The following GFM1 variants were observed in gnomAD, a reference collection of about 807,000 sequenced individuals.
GFM1 encodes G elongation factor mitochondrial 1.
GFM1 carries 62 observed loss-of-function variants against 96.2 expected under a neutral mutation model. The observed-to-expected ratio is 0.64, with a 90% CI of 0.53 to 0.80. The LOEUF (loss-of-function observed/expected upper bound fraction) is 0.80, where lower values mean the gene tolerates loss of function less well. Among genes scored for constraint, GFM1 ranks in the 30% least tolerant of loss-of-function variants. The pLI is 0.00. For synonymous variants in GFM1, 282 were observed against 312.9 expected, an observed-to-expected ratio of 0.90 and a Z score of 1.04; for missense variants, 852 against 916.6, an observed-to-expected ratio of 0.93 and a Z score of 0.91.
At chr3:158,644,750 T>A in intron 1 of GFM1, 35 bp downstream of exon 1, 2 of 1,523,838 alleles carry the variant, frequency 1.3e-6, no homozygotes, top group Non-Finnish European at 1.8e-6. Flanking sequence ...TCGGGACCAT[T>A]CCCGGAACCT....
At chr3:158,662,067 T>C (rs775581797) in intron 10 of GFM1, among the ~76,000 whole-genome samples, 1 of 152,186 alleles carries the variant, frequency 6.6e-6, no homozygotes, top group Non-Finnish European at 1.5e-5. Flanking sequence ...AAACAGGCCT[T>C]GGTTAGAGTC....
At chr3:158,667,521 C>A (rs531279655) in intron 13 of GFM1, among the ~76,000 whole-genome samples, 1 of 152,214 alleles carries the variant, frequency 6.6e-6, no homozygotes, top group African/African-American at 2.4e-5. Context: ...CACAGTGGCT[C>A]ACACCTATAA....
At chr3:158,672,515 T>C (rs902558674) in intron 13 of GFM1, 10 of 1,611,734 alleles carry the variant, frequency 6.2e-6, no homozygotes, top group South Asian at 1.1e-5. Context: ...TGGGCTACTC[T>C]GGCTTAACGG....
intron 15 of GFM1, among the ~76,000 whole-genome samples, chr3:158,688,528 T>C (rs1468033222): frequency 6.6e-6 from 1 of 152,248 alleles, no homozygotes; most frequent in Admixed American, 6.5e-5. Flanking sequence ...TACTATCCTA[T>C]TGAGAACATT....
intron 15 of GFM1, among the ~76,000 whole-genome samples, chr3:158,686,713 G>T: frequency 1.5e-5 from 2 of 133,820 alleles, no homozygotes; most frequent in Non-Finnish European, 3.1e-5. Flanking sequence ...GATTATAATT[G>T]AATTGAGGTT....
chr3:158,675,285 C>CAAAAAAAA (rs1172885215), intron 13 of GFM1, among the ~76,000 whole-genome samples: 7 of 52,666 alleles, frequency 1.3e-4, no homozygotes, highest in East Asian at 9.0e-4. Context: ...GACTCCATCT[C>CAAAAAAAA]AAAAAAAAAA....
At position 158,695,159 on chromosome 3, in the gene GFM1, A is replaced by C. The variant is rs1329326467; in HGVS notation, c.*3692A>C. Among the ~76,000 whole-genome samples, 1 of 152,148 alleles carries C rather than the reference A, an allele frequency of 6.6e-6. No homozygotes were observed. Among genetic ancestry groups the C allele is most frequent in the Non-Finnish European group, 1.5e-5 (1 of 68,024 alleles). On this transcript the variant is annotated 3_prime_UTR_variant, in exon 18 of 18. Coordinates refer to ENST00000486715, the MANE Select transcript of GFM1 (RefSeq NM_024996.7). The stretch of plus-strand genomic sequence containing the variant: ...GAGGCCAAGGTGGGTGGATAACCTG[A>C]GGTCAGGAGTTCGAGACCACCCTGG...
At chr3:158,667,076 T>C (rs1723770622) in intron 13 of GFM1, 1 of 1,578,326 alleles carries the variant, frequency 6.3e-7, no homozygotes, top group Non-Finnish European at 8.6e-7. Flanking sequence ...ATTTCTTTGC[T>C]ATGACAAAAA....
At position 158,646,166 on chromosome 3, in the gene GFM1, T is replaced by G. The variant is rs1046925437; in HGVS notation, c.236T>G (p.Val79Gly). 6.2e-7 allele frequency: 1 copy of G among 1,614,010 alleles called. No individual in the cohort carries two copies. The highest frequency in any genetic ancestry group is 1.3e-5 in the African/African-American group (1 of 74,910). Residue 79 changes from valine (V) to glycine (G), a missense_variant and splice_region_variant, in exon 3 of 18, where the codon GTG becomes GGG. By Grantham distance (109) the Val-to-Gly change is moderately radical. Coordinates refer to ENST00000486715, the MANE Select transcript of GFM1 (RefSeq NM_024996.7). ...YTGRIAKMHE[V>G]KGKDGVGAVM... ...CTGAATTGCTGTGCTTGTGTTTAGG[T>G]GAAAGGTAAAGATGGAGTTGGTGCT... is the stretch of plus-strand genomic sequence containing the variant.
In GFM1 at chr3:158,652,111, T is replaced by C. The variant is rs201360324; in HGVS notation, c.705T>C (p.Tyr235=). The C allele has an allele frequency of 3.0e-5, 49 of 1,614,106 alleles. No individual in the cohort carries two copies. Among genetic ancestry groups the C allele is most frequent in the Middle Eastern group, 1.6e-4 (1 of 6,062 alleles). ...FDGDFGQIVR[Y]GEIPAELRAA... Reference sequence around the variant, plus strand: ...GCTTTCTTAGTCAGATTGTTCGATATGGTGAGATTCCAGCTGAATTAAGGG... The same window carrying C: ...GCTTTCTTAGTCAGATTGTTCGATACGGTGAGATTCCAGCTGAATTAAGGG... The change falls in exon 6 of 18, where the codon TAT becomes TAC. Residue 235 remains tyrosine (Y), a synonymous_variant. Coordinates refer to ENST00000486715, the MANE Select transcript of GFM1 (RefSeq NM_024996.7).
rs186971303 is a variant in GFM1 at position 158,648,717 on chromosome 3, A to G, written c.573-324A>G. ...AAAAAAAAAAGAGGTGGGCTCAGCT[A>G]TCCTACTATTTAATTTCCTGGCTAG... On this transcript the variant is annotated intron_variant, in intron 4 of 17. Coordinates refer to ENST00000486715, the MANE Select transcript of GFM1 (RefSeq NM_024996.7). 9.5e-5 allele frequency among the ~76,000 whole-genome samples: 14 copies of G among 147,716 alleles called. No individual in the cohort carries two copies. The South Asian group carries it at 1.1e-3, about 11-fold the overall frequency.
At chr3:158,685,627 A>C (rs1318718478) in intron 15 of GFM1, among the ~76,000 whole-genome samples, 1 of 152,160 alleles carries the variant, frequency 6.6e-6, no homozygotes. Context: ...AGGGTTGCTG[A>C]TTCCTTATTT....
chr3:158,644,533 A>G lies in GFM1; in HGVS notation c.-102A>G, dbSNP rs1274981287. 1 of 909,380 alleles carries G rather than the reference A, an allele frequency of 1.1e-6. No individual in the cohort carries two copies. Among genetic ancestry groups the G allele is most frequent in the Admixed American group, 2.1e-5 (1 of 47,908 alleles). 56.3% of individuals were successfully genotyped at this position (909,380 alleles called of 1,614,324 possible). On this transcript the variant is annotated 5_prime_UTR_variant, in exon 1 of 18. Coordinates refer to ENST00000486715, the MANE Select transcript of GFM1 (RefSeq NM_024996.7). Reference sequence around the variant, plus strand: ...CGTCCTTTGCCCCGGAAGTGCTCTTACAACATTGGCTGCCGGCGTGACTTT... The same window carrying G: ...CGTCCTTTGCCCCGGAAGTGCTCTTGCAACATTGGCTGCCGGCGTGACTTT...
At position 158,644,581 on chromosome 3, in the gene GFM1, G is replaced by C. The variant is rs1016137610; in HGVS notation, c.-54G>C. ...TTTGACCGCTTCCCGGTGCGTTACC[G>C]GCAGCTGAACCCACCCGGCGCCACG... On this transcript the variant is annotated 5_prime_UTR_variant, in exon 1 of 18. Transcript: ENST00000486715. 1.4e-6 allele frequency: 2 copies of C among 1,457,422 alleles called. No homozygotes were observed. The highest frequency in any genetic ancestry group is 1.2e-5 in the South Asian group (1 of 81,786). 90.3% of individuals were successfully genotyped at this position (1,457,422 alleles called of 1,614,324 possible).
intron 14 of GFM1, among the ~76,000 whole-genome samples, chr3:158,682,950 G>A (rs1402985784): frequency 6.6e-6 from 1 of 151,666 alleles, no homozygotes; most frequent in African/African-American, 2.4e-5. Flanking sequence ...TGGGAGGATT[G>A]CTTGAGCCCA....
intron 13 of GFM1, chr3:158,667,096 T>A: frequency 6.4e-7 from 1 of 1,564,866 alleles, no homozygotes; most frequent in Non-Finnish European, 8.6e-7. Context: ...AATAAAAACG[T>A]GTTGTTTAAA....
intron 7 of GFM1, 122 bp from the exon 8 acceptor site, chr3:158,654,425 G>A: frequency 4.6e-6 from 3 of 646,686 alleles, no homozygotes; most frequent in South Asian, 3.7e-5. Flanking sequence ...TTACTTATGT[G>A]TGACAGCAGT....
chr3:158,659,738 A>G (rs1009981013), intron 9 of GFM1, among the ~76,000 whole-genome samples: 3 of 152,168 alleles, frequency 2.0e-5, no homozygotes, highest in African/African-American at 2.4e-5. Flanking sequence ...CAATCCATCT[A>G]TATATTCCTG....
chr3:158,657,082 G>A (rs1443976779), intron 8 of GFM1: 1 of 152,024 alleles, frequency 6.6e-6, no homozygotes, highest in Non-Finnish European at 1.5e-5. Context: ...TTTTAAGTGG[G>A]GAAAAATGGT....
Sources: gnomAD v4.1 joint callset for allele counts (sites outside exome capture counted in the v4.1 genomes callset) on GRCh38, gnomAD v4.1.1 for gene constraint, MANE v1.5 for transcripts, NCBI Gene and HGNC (gene_info 2026-07-23, HGNC 2026-07-21) for gene names.